Variants in PRPH observed in about 807,000 individuals in gnomAD.
PRPH encodes the protein peripherin.
Under a neutral mutation model 52.6 loss-of-function variants are expected in PRPH, and 48 were observed. The observed-to-expected ratio is 0.91, with a 90% CI of 0.72 to 1.16. PRPH has a LOEUF of 1.16. Ranked by LOEUF, PRPH falls within the 50% of genes most tolerant of loss-of-function variation. The pLI is 0.00. For synonymous variants in PRPH, 279 were observed against 283.8 expected (o/e 0.98, Z 0.17); for missense variants, 579 against 635.7 (o/e 0.91, Z 0.96).
In PRPH at chr12:49,295,909, CAA is replaced by C. The variant is rs1468238559; in HGVS notation, c.545+165_545+166del. On this transcript the variant is annotated intron_variant, in intron 1 of 8. Transcript: ENST00000257860. The stretch of plus-strand genomic sequence containing the variant: ...GGGCAGCATCCCTGCCCACGGGCTC[CAA>C]GTGCCCCCCGCTACCCCTTTGCTCT... The C allele has an allele frequency of 2.2e-4, 322 of 1,442,052 alleles. 1 individual carries two copies. In the African/African-American group the frequency reaches 4.1e-3, roughly 19 times the overall value. The allele number at this position is 1,442,052 out of a possible 1,614,324, so 89.3% of individuals were successfully genotyped here. A position where few individuals can be genotyped will look rare whatever the true frequency, so the allele number is the denominator to read the frequency against.
chr12:49,295,336 C>T lies in PRPH; in HGVS notation c.136C>T (p.Leu46=), dbSNP rs1565657434. ...SSSRFSSSRL[L]GSASPSSSVR... ...CTCCCGCTTCTCCAGCAGCCGCCTGCTGGGCTCCGCGTCCCCGAGCTCCTC... is the reference window on the plus strand; with the variant it reads ...CTCCCGCTTCTCCAGCAGCCGCCTGTTGGGCTCCGCGTCCCCGAGCTCCTC... Residue 46 remains leucine, a synonymous_variant, in exon 1 of 9, where the codon CTG becomes TTG. Coordinates refer to ENST00000257860, the MANE Select transcript of PRPH (RefSeq NM_006262.4). The T allele has an allele frequency of 6.2e-7, 1 of 1,611,114 alleles. No individual in the cohort carries two copies. The highest frequency in any genetic ancestry group is 2.2e-5 in the East Asian group (1 of 44,840).
Position 49,296,643 on chromosome 12 carries a change from C to A in PRPH, c.702+116C>A. ...TCAGGACGATGCTGGGTAGACGCAG[C>A]CCCTCCACCCTAGTCTACAGGTGGT... On this transcript the variant is annotated intron_variant, in intron 3 of 8. Coordinates refer to ENST00000257860, the MANE Select transcript of PRPH (RefSeq NM_006262.4). This position sits in a 1 kb window ranked among gnomAD's most constrained non-coding sequence, Gnocchi z 5.1. 2.7e-6 allele frequency: 3 copies of A among 1,124,440 alleles called. No homozygotes were observed. Among genetic ancestry groups the A allele is most frequent in the Non-Finnish European group, 3.9e-6 (3 of 764,360 alleles). The allele number at this position is 1,124,440 out of a possible 1,614,324, so 69.7% of individuals were successfully genotyped here. A position where few individuals can be genotyped will look rare whatever the true frequency, so the allele number is the denominator to read the frequency against.
chr12:49,298,278 TCC>T lies in PRPH; in HGVS notation c.1348-7_1348-6del. On this transcript the variant is annotated splice_region_variant and splice_polypyrimidine_tract_variant and intron_variant, in intron 8 of 8. Transcript: ENST00000257860. ...TGGCTTGTGCCCATCATATGCCCTGTCCCCAGCAGGTGGTGACAGAGTCCCAG... is the reference window on the plus strand; with the variant it reads ...TGGCTTGTGCCCATCATATGCCCTGTCCAGCAGGTGGTGACAGAGTCCCAG... The T allele has an allele frequency of 6.2e-7, 1 of 1,614,026 alleles. No homozygotes were observed. The highest frequency in any genetic ancestry group is 8.5e-7 in the Non-Finnish European group (1 of 1,179,972).
In PRPH at chr12:49,296,028, T is replaced by C; in HGVS notation, c.546-150T>C. 1 of 1,325,622 alleles carries C rather than the reference T, an allele frequency of 7.5e-7. No homozygotes were observed. The highest frequency in any genetic ancestry group is 1.0e-6 in the Non-Finnish European group (1 of 961,070). 82.1% of individuals were successfully genotyped at this position (1,325,622 alleles called of 1,614,324 possible). ...TCAGCTCCCAGTCCGTTAGAGACAA[T>C]GCGGGGCAATTCCATTAGACAGCCT... On this transcript the variant is annotated intron_variant, in intron 1 of 8. Transcript: ENST00000257860. The surrounding 1 kb of genome is among the most constrained non-coding windows in gnomAD (Gnocchi z 5.1).
Position 49,296,608 on chromosome 12 carries a change from G to GC in PRPH, c.702+84dup, listed in dbSNP as rs774038249. On this transcript the variant is annotated intron_variant, in intron 3 of 8. Coordinates refer to ENST00000257860, the MANE Select transcript of PRPH (RefSeq NM_006262.4). This position sits in a 1 kb window ranked among gnomAD's most constrained non-coding sequence, Gnocchi z 5.1. Reference sequence around the variant, plus strand: ...AGCTGGCGGGTGGAGCGGAGGCATCGCCCTGGGGATCAGGACGATGCTGGG... The same window carrying GC: ...AGCTGGCGGGTGGAGCGGAGGCATCGCCCCTGGGGATCAGGACGATGCTGGG... The GC allele has an allele frequency of 8.1e-5, 109 of 1,352,078 alleles. No individual in the cohort carries two copies. Among genetic ancestry groups the GC allele is most frequent in the Non-Finnish European group, 1.0e-4 (100 of 957,324 alleles). The allele number at this position is 1,352,078 out of a possible 1,614,324, so 83.8% of individuals were successfully genotyped here.
At position 49,297,793 on chromosome 12, in the gene PRPH, C is replaced by G. The variant is rs543139505; in HGVS notation, c.1267+67C>G. ...TGCCCTCCTCGGGCTCTTGCTCTGG[C>G]TCACCTCAGGGATCTCTTCTCCCCA... On this transcript the variant is annotated intron_variant, in intron 7 of 8. Transcript: ENST00000257860. This position sits in a 1 kb window ranked among gnomAD's most constrained non-coding sequence, Gnocchi z 4.4. 1 of 1,608,552 alleles carries G rather than the reference C, an allele frequency of 6.2e-7. No individual in the cohort carries two copies. Among genetic ancestry groups the G allele is most frequent in the African/African-American group, 1.3e-5 (1 of 74,800 alleles).
rs1489992625 is a variant in PRPH, at chr12:49,295,730, C to T, written c.530C>T (p.Ala177Val). ...CGCGACGGGCTGGCGGAGGACCTGG[C>T]GGCGCTCAAGCAGAGGTCAGGGGGC... is the stretch of plus-strand genomic sequence containing the variant. Reference protein sequence around the residue: ...VERDGLAEDLAALKQRLEEET... With the variant: ...VERDGLAEDLVALKQRLEEET... The change falls in exon 1 of 9, where the codon GCG (alanine) becomes GTG (valine). Residue 177 changes from alanine to valine, a missense_variant. By Grantham distance (64) the Ala-to-Val change is moderately conservative. Coordinates refer to ENST00000257860, the MANE Select transcript of PRPH (RefSeq NM_006262.4). 7.9e-6 allele frequency: 12 copies of T among 1,514,128 alleles called. No individual in the cohort carries two copies. Among genetic ancestry groups the T allele is most frequent in the South Asian group, 1.2e-5 (1 of 80,138 alleles). The allele number at this position is 1,514,128 out of a possible 1,614,324, so 93.8% of individuals were successfully genotyped here.
At position 49,297,934 on chromosome 12, in the gene PRPH, A is replaced by C. The variant is rs750824559; in HGVS notation, c.1268-24A>C. ...AGAGATTCCCACGCCTTCCCCCTTG[A>C]ACCCTTTATCCTGCTTTCTTCAGTG... On this transcript the variant is annotated intron_variant, in intron 7 of 8. Coordinates refer to ENST00000257860, the MANE Select transcript of PRPH (RefSeq NM_006262.4). The surrounding 1 kb of genome is among the most constrained non-coding windows in gnomAD (Gnocchi z 4.4). 2 of 1,613,264 alleles carry C rather than the reference A, an allele frequency of 1.2e-6. No homozygotes were observed. Among genetic ancestry groups the C allele is most frequent in the South Asian group, 2.2e-5 (2 of 91,054 alleles).
rs941610706 is a variant in PRPH at position 49,295,602 on chromosome 12, C to T, written c.402C>T (p.Gly134=). The T allele has an allele frequency of 3.2e-6, 5 of 1,550,844 alleles. No homozygotes were observed. The African/African-American group carries it at 5.5e-5, about 17-fold the overall frequency. Residue 134 remains glycine (G), a synonymous_variant, in exon 1 of 9, where the codon GGC becomes GGT. Transcript: ENST00000257860. ...GCGGGGAGCTGAGCCAAGCCCGGGG[C>T]CAGGAGCCGGCGCGCGCCGACCAGC... ...ALRGELSQAR[G]QEPARADQLC...
At position 49,298,277 on chromosome 12, in the gene PRPH, G is replaced by C; in HGVS notation, c.1348-11G>C. ...ATGGCTTGTGCCCATCATATGCCCTGTCCCCAGCAGGTGGTGACAGAGTCC... is the reference window on the plus strand; with the variant it reads ...ATGGCTTGTGCCCATCATATGCCCTCTCCCCAGCAGGTGGTGACAGAGTCC... On this transcript the variant is annotated splice_polypyrimidine_tract_variant and intron_variant, in intron 8 of 8. Coordinates refer to ENST00000257860, the MANE Select transcript of PRPH (RefSeq NM_006262.4). The C allele has an allele frequency of 1.2e-6, 2 of 1,614,094 alleles. No individual in the cohort carries two copies. The highest frequency in any genetic ancestry group is 1.7e-6 in the Non-Finnish European group (2 of 1,180,002).
In PRPH at chr12:49,296,571, T is replaced by C. The variant is rs765040018; in HGVS notation, c.702+44T>C. 2 of 1,568,312 alleles carry C rather than the reference T, an allele frequency of 1.3e-6. No individual in the cohort carries two copies. The highest frequency in any genetic ancestry group is 1.8e-6 in the Non-Finnish European group (2 of 1,141,538). ...AGGGGCGGTTTCTGAGGTTGTGGGGTGGTCTCGCTGGAGCTGGCGGGTGGA... is the reference window on the plus strand; with the variant it reads ...AGGGGCGGTTTCTGAGGTTGTGGGGCGGTCTCGCTGGAGCTGGCGGGTGGA... On this transcript the variant is annotated intron_variant, in intron 3 of 8. Coordinates refer to ENST00000257860, the MANE Select transcript of PRPH (RefSeq NM_006262.4). The surrounding 1 kb of genome is among the most constrained non-coding windows in gnomAD (Gnocchi z 5.1).
Position 49,296,733 on chromosome 12 carries a change from T to C in PRPH, c.703-156T>C. The C allele has an allele frequency of 7.8e-7, 1 of 1,284,346 alleles. No individual in the cohort carries two copies. The highest frequency in any genetic ancestry group is 1.1e-6 in the Non-Finnish European group (1 of 935,936). 79.6% of individuals were successfully genotyped at this position (1,284,346 alleles called of 1,614,324 possible). ...GGCTGTACCTCCGAAACCTGGCCTC[T>C]GGTCTCGCGCCCGCGGGGGCGCAGG... On this transcript the variant is annotated intron_variant, in intron 3 of 8. Transcript: ENST00000257860. This position sits in a 1 kb window ranked among gnomAD's most constrained non-coding sequence, Gnocchi z 5.1.
rs1334794875 is a variant in PRPH, at chr12:49,297,886, G to A, written c.1268-72G>A. 1.2e-5 allele frequency: 19 copies of A among 1,592,174 alleles called. No homozygotes were observed. The highest frequency in any genetic ancestry group is 3.3e-4 in the Middle Eastern group (2 of 6,014). ...AACCCGCCCCTCCCCTGCCCTCAGG[G>A]ATAGCAGTGGGAGCCTAAGAGGAGA... On this transcript the variant is annotated intron_variant, in intron 7 of 8. Coordinates refer to ENST00000257860, the MANE Select transcript of PRPH (RefSeq NM_006262.4). This position sits in a 1 kb window ranked among gnomAD's most constrained non-coding sequence, Gnocchi z 4.4.
Position 49,298,403 on chromosome 12 carries a change from A to G in PRPH, c.*50A>G, listed in dbSNP as rs779713315. 7 of 1,589,500 alleles carry G rather than the reference A, an allele frequency of 4.4e-6. No individual in the cohort carries two copies. The highest frequency in any genetic ancestry group is 4.0e-5 in the African/African-American group (3 of 74,380). On this transcript the variant is annotated 3_prime_UTR_variant, in exon 9 of 9. Coordinates refer to ENST00000257860, the MANE Select transcript of PRPH (RefSeq NM_006262.4). The stretch of plus-strand genomic sequence containing the variant: ...CTGCCCTAGGCCTGCTCAAAGCCCA[A>G]ACCCTAAGACCACTCCTGAATTGTC...
At position 49,296,639 on chromosome 12, in the gene PRPH, G is replaced by A; in HGVS notation, c.702+112G>A. On this transcript the variant is annotated intron_variant, in intron 3 of 8. Transcript: ENST00000257860. The surrounding 1 kb of genome is among the most constrained non-coding windows in gnomAD (Gnocchi z 5.1). ...GGGATCAGGACGATGCTGGGTAGACGCAGCCCCTCCACCCTAGTCTACAGG... is the reference window on the plus strand; with the variant it reads ...GGGATCAGGACGATGCTGGGTAGACACAGCCCCTCCACCCTAGTCTACAGG... 1 of 1,141,642 alleles carries A rather than the reference G, an allele frequency of 8.8e-7. No individual in the cohort carries two copies. Among genetic ancestry groups the A allele is most frequent in the Non-Finnish European group, 1.3e-6 (1 of 778,310 alleles). 70.7% of individuals were successfully genotyped at this position (1,141,642 alleles called of 1,614,324 possible). A position where few individuals can be genotyped will look rare whatever the true frequency, so the allele number is the denominator to read the frequency against.
Position 49,297,808 on chromosome 12 carries a change from T to C in PRPH, c.1267+82T>C. The C allele has an allele frequency of 6.2e-7, 1 of 1,603,948 alleles. No individual in the cohort carries two copies. The highest frequency in any genetic ancestry group is 1.3e-5 in the African/African-American group (1 of 74,800). ...CTTGCTCTGGCTCACCTCAGGGATCTCTTCTCCCCACGGAACTTCTGGGTC... is the reference window on the plus strand; with the variant it reads ...CTTGCTCTGGCTCACCTCAGGGATCCCTTCTCCCCACGGAACTTCTGGGTC... On this transcript the variant is annotated intron_variant, in intron 7 of 8. Coordinates refer to ENST00000257860, the MANE Select transcript of PRPH (RefSeq NM_006262.4). The surrounding 1 kb of genome is among the most constrained non-coding windows in gnomAD (Gnocchi z 4.4).
In PRPH at chr12:49,297,443, C is replaced by A; in HGVS notation, c.1083C>A (p.Leu361=). 5 of 1,609,856 alleles carry A rather than the reference C, an allele frequency of 3.1e-6. No individual in the cohort carries two copies. Among genetic ancestry groups the A allele is most frequent in the Non-Finnish European group, 4.2e-6 (5 of 1,179,216 alleles). ...GCTACCAGGCGGGCGCTGCGCGGCTCGAGGAGGAGCTGCGACAGCTAAAAG... is the reference window on the plus strand; with the variant it reads ...GCTACCAGGCGGGCGCTGCGCGGCTAGAGGAGGAGCTGCGACAGCTAAAAG... ...AGGYQAGAAR[L]EEELRQLKEE... The change falls in exon 6 of 9, where the codon CTC becomes CTA. Residue 361 remains leucine (L), a synonymous_variant. Transcript: ENST00000257860. This position sits in a 1 kb window ranked among gnomAD's most constrained non-coding sequence, Gnocchi z 4.4.
Position 49,297,870 on chromosome 12 carries a change from C to T in PRPH, c.1268-88C>T. ...CCACCCCTACTCCTCAAACCCGCCCCTCCCCTGCCCTCAGGGATAGCAGTG... is the reference window on the plus strand; with the variant it reads ...CCACCCCTACTCCTCAAACCCGCCCTTCCCCTGCCCTCAGGGATAGCAGTG... On this transcript the variant is annotated intron_variant, in intron 7 of 8. Coordinates refer to ENST00000257860, the MANE Select transcript of PRPH (RefSeq NM_006262.4). The surrounding 1 kb of genome is among the most constrained non-coding windows in gnomAD (Gnocchi z 4.4). The T allele has an allele frequency of 6.3e-7, 1 of 1,586,156 alleles. No individual in the cohort carries two copies. The highest frequency in any genetic ancestry group is 8.7e-7 in the Non-Finnish European group (1 of 1,155,046).
At position 49,297,190 on chromosome 12, in the gene PRPH, C is replaced by T; in HGVS notation, c.913C>T (p.Leu305=). 1 of 1,614,052 alleles carries T rather than the reference C, an allele frequency of 6.2e-7. No homozygotes were observed. ...CGCTGCCAACCGGAACCACGAGGCCCTGCGCCAGGCCAAGCAGGAGATGAA... is the reference window on the plus strand; with the variant it reads ...CGCTGCCAACCGGAACCACGAGGCCTTGCGCCAGGCCAAGCAGGAGATGAA... ...SDAANRNHEA[L]RQAKQEMNES... The change falls in exon 5 of 9, where the codon CTG becomes TTG. Residue 305 remains leucine, a synonymous_variant. Coordinates refer to ENST00000257860, the MANE Select transcript of PRPH (RefSeq NM_006262.4). The surrounding 1 kb of genome is among the most constrained non-coding windows in gnomAD (Gnocchi z 4.4).
Sources: gnomAD v4.1 joint callset for allele counts on GRCh38, gnomAD v4.1.1 for gene constraint, Gnocchi (gnomAD v3.1) non-coding constraint, MANE v1.5 for transcripts, NCBI Gene and HGNC (gene_info 2026-07-23, HGNC 2026-07-21) for gene names.